Variants in PREX1 observed in about 807,000 individuals in gnomAD.
PREX1 encodes the protein phosphatidylinositol 3,4,5-trisphosphate-dependent Rac exchanger 1 protein.
Under a neutral mutation model 198.3 loss-of-function variants are expected in PREX1, and 41 were observed. The observed-to-expected ratio is 0.21, with a 90% CI of 0.16 to 0.27. The LOEUF (loss-of-function observed/expected upper bound fraction) is 0.27, where lower values mean the gene tolerates loss of function less well. Ranked by LOEUF, PREX1 falls within the 10% of genes least tolerant of loss-of-function variation. The pLI is 1.00. For missense variants in PREX1, 1,620 were observed against 2,200.7 expected (o/e 0.74, Z 5.28); for synonymous variants, 843 against 887.2 (o/e 0.95, Z 0.89).
intron 1 of PREX1, among the ~76,000 whole-genome samples, chr20:48,805,653 G>A (rs1288435593): frequency 6.6e-6 from 1 of 152,150 alleles, no homozygotes; most frequent in Non-Finnish European, 1.5e-5. Flanking sequence ...CCTTCTTCCT[G>A]GACTTACAGG....
At chr20:48,701,131 AG>A (rs2089871679) in intron 6 of PREX1, among the ~76,000 whole-genome samples, 1 of 152,214 alleles carries the variant, frequency 6.6e-6, no homozygotes, top group Non-Finnish European at 1.5e-5. Context: ...CTTGGGGCTC[AG>A]GGAGGAGTGA....
chr20:48,758,523 C>T (rs1260512324), intron 1 of PREX1, among the ~76,000 whole-genome samples: 1 of 152,112 alleles, frequency 6.6e-6, no homozygotes, highest in African/African-American at 2.4e-5. Context: ...AGGCCAGGCA[C>T]TTCAGCAGAT....
Position 48,670,054 on chromosome 20 carries a change from C to T in PREX1, c.1666-3699G>A, listed in dbSNP as rs139996383. 3.2e-3 allele frequency among the ~76,000 whole-genome samples: 492 copies of T among 152,316 alleles called. 1 individual carries two copies. The highest frequency in any genetic ancestry group is 0.011 in the African/African-American group (473 of 41,580). On this transcript the variant is annotated intron_variant, in intron 14 of 39. Coordinates refer to ENST00000371941, the MANE Select transcript of PREX1 (RefSeq NM_020820.4). ...AATCACTCTTATTAACCCCACTCGA[C>T]AGAGGAGGAAACAGAGGCATAGACA...
intron 6 of PREX1, among the ~76,000 whole-genome samples, chr20:48,701,947 T>C (rs927479994): frequency 2.0e-5 from 3 of 152,116 alleles, no homozygotes; most frequent in Non-Finnish European, 4.4e-5. Flanking sequence ...CCGGGCGCAG[T>C]GGTTCATGCC....
intron 5 of PREX1, among the ~76,000 whole-genome samples, chr20:48,709,144 G>A (rs1401369689): frequency 1.3e-5 from 2 of 152,160 alleles, no homozygotes; most frequent in Non-Finnish European, 2.9e-5. Context: ...GAACTGAGGA[G>A]GAAGGGATCA....
chr20:48,642,305 A>C, intron 28 of PREX1, 47 bp from the exon 29 acceptor site: 1 of 1,605,706 alleles, frequency 6.2e-7, no homozygotes, highest in Non-Finnish European at 8.5e-7. Context: ...GTGGCCCTAC[A>C]CACTGCAGAC....
At chr20:48,819,094 G>C (rs921121619) in intron 1 of PREX1, among the ~76,000 whole-genome samples, 2 of 152,184 alleles carry the variant, frequency 1.3e-5, no homozygotes, top group Non-Finnish European at 2.9e-5. Context: ...TGAGACCTTA[G>C]TAAGACCATT....
At chr20:48,852,330 C>A in the PREX1 span, among the ~76,000 whole-genome samples, 1 of 152,194 alleles carries the variant, frequency 6.6e-6, no homozygotes, top group Admixed American at 6.5e-5. Context: ...ACCTACTCTC[C>A]CATAGGTCAT....
At position 48,680,286 on chromosome 20, in the gene PREX1, G is replaced by A. The variant is rs73911627; in HGVS notation, c.1436-532C>T. 9.1e-4 allele frequency among the ~76,000 whole-genome samples: 138 copies of A among 152,050 alleles called. 1 individual carries two copies. The highest frequency in any genetic ancestry group is 2.9e-3 in the African/African-American group (122 of 41,470). On this transcript the variant is annotated intron_variant, in intron 11 of 39. Transcript: ENST00000371941. ...TCCTACACTGGCCCGAACCACCTTC[G>A]CCTCCCACCTGGACTATCACAGCAG...
At chr20:48,864,432 T>C in the PREX1 span, among the ~76,000 whole-genome samples, 2 of 152,252 alleles carry the variant, frequency 1.3e-5, no homozygotes, top group African/African-American at 2.4e-5. Flanking sequence ...ATTTATTGTG[T>C]GCTTTCTTTG....
At chr20:48,706,359 T>C (rs934764751) in intron 6 of PREX1, among the ~76,000 whole-genome samples, 3 of 152,222 alleles carry the variant, frequency 2.0e-5, no homozygotes, top group African/African-American at 7.2e-5. Context: ...TTTCTGACAA[T>C]ATTAGGTAAC....
chr20:48,823,818 G>T (rs913004501), intron 1 of PREX1, among the ~76,000 whole-genome samples: 8 of 152,180 alleles, frequency 5.3e-5, no homozygotes, highest in African/African-American at 1.9e-4. Context: ...AGTGGCTGGG[G>T]ACATGAGTTG....
chr20:48,669,559 G>T (rs564091786), intron 14 of PREX1, among the ~76,000 whole-genome samples: 1 of 152,240 alleles, frequency 6.6e-6, no homozygotes, highest in Admixed American at 6.5e-5. Flanking sequence ...TGGAAGGAAG[G>T]GAAGAAAAGG....
chr20:48,701,022 A>T, intron 6 of PREX1, 136 bp from the exon 7 acceptor site: 1 of 1,208,134 alleles, frequency 8.3e-7, no homozygotes, highest in Non-Finnish European at 1.2e-6. Context: ...ACAGAAAATC[A>T]ACACAACGTG....
At chr20:48,715,673 T>C (rs1194742039) in intron 5 of PREX1, among the ~76,000 whole-genome samples, 1 of 152,222 alleles carries the variant, frequency 6.6e-6, no homozygotes, top group Non-Finnish European at 1.5e-5. Context: ...GACACAATAT[T>C]TATCATCATC....
chr20:48,840,155 C>T, the PREX1 span, among the ~76,000 whole-genome samples: 40 of 152,220 alleles, frequency 2.6e-4, 2 homozygotes, highest in African/African-American at 9.4e-4. Context: ...ACTGTGACTA[C>T]AGGCGCTTGC....
At chr20:48,640,546 G>A (rs755663190) in intron 29 of PREX1, among the ~76,000 whole-genome samples, 18 of 152,152 alleles carry the variant, frequency 1.2e-4, no homozygotes, top group Non-Finnish European at 2.5e-4. Context: ...ATGTGCAGCT[G>A]AGCTGGGGAG....
rs766363706 is a variant in PREX1, at chr20:48,653,463, A to T, written c.2244T>A (p.Gly748=). The change falls in exon 20 of 40, where the codon GGT becomes GGA. Residue 748 remains glycine (G), a synonymous_variant. Coordinates refer to ENST00000371941, the MANE Select transcript of PREX1 (RefSeq NM_020820.4). ...SEAMAAGLCA[G]QCILKVNGSN... is the part of the protein sequence containing the mutation. The stretch of plus-strand genomic sequence containing the variant: ...TGCCATTGACCTTCAGAATGCACTG[A>T]CCAGCACAGAGCCCTGCAGCCATGG... 4.3e-6 allele frequency: 7 copies of T among 1,613,676 alleles called. No homozygotes were observed. The South Asian group carries it at 6.6e-5, about 15-fold the overall frequency.
intron 29 of PREX1, 141 bp from the exon 30 acceptor site, chr20:48,640,035 A>C (rs900119127): frequency 8.5e-7 from 1 of 1,178,268 alleles, no homozygotes; most frequent in Non-Finnish European, 1.2e-6. Context: ...CCTGGGCATT[A>C]TCGGGTCCAC....
Sources: gnomAD v4.1 joint callset for allele counts (sites outside exome capture counted in the v4.1 genomes callset) on GRCh38, gnomAD v4.1.1 for gene constraint, MANE v1.5 for transcripts, NCBI Gene and HGNC (gene_info 2026-07-23, HGNC 2026-07-21) for gene names.